Variants in CDH12 observed in about 807,000 individuals in gnomAD.
The protein encoded by CDH12 is cadherin-12.
CDH12 carries 41 observed loss-of-function variants against 74.1 expected under a neutral mutation model. That is an observed-to-expected ratio of 0.55 (90% confidence interval 0.43 to 0.72). The LOEUF is 0.72. CDH12 is among the 30% of genes least tolerant of loss of function. The pLI, the probability that CDH12 is intolerant of heterozygous loss-of-function variation, is 0.00. For synonymous variants in CDH12, 399 were observed against 355.0 expected, an observed-to-expected ratio of 1.12 and a Z score of -1.39; for missense variants, 945 against 977.2, an observed-to-expected ratio of 0.97 and a Z score of 0.44.
At chr5:22,677,752 G>T (rs2126923947) in intron 1 of CDH12, among the ~76,000 whole-genome samples, 1 of 152,164 alleles carries the variant, frequency 6.6e-6, no homozygotes, top group East Asian at 1.9e-4. Context: ...CTTGTAAACT[G>T]CCTGCACATT....
At chr5:22,838,009 A>G (rs1440954151) in intron 1 of CDH12, among the ~76,000 whole-genome samples, 1 of 152,178 alleles carries the variant, frequency 6.6e-6, no homozygotes, top group Admixed American at 6.5e-5. Flanking sequence ...ATTTCAGCAC[A>G]ATTTGAAGGC....
chr5:21,992,019 T>C (rs1383617413), intron 5 of CDH12, among the ~76,000 whole-genome samples: 1 of 152,018 alleles, frequency 6.6e-6, no homozygotes, highest in Non-Finnish European at 1.5e-5. Flanking sequence ...ATATTAACTA[T>C]CCTGTGTAAG....
At chr5:22,820,311 G>A (rs975863175) in intron 1 of CDH12, among the ~76,000 whole-genome samples, 3 of 151,914 alleles carry the variant, frequency 2.0e-5, no homozygotes, top group Non-Finnish European at 2.9e-5. Flanking sequence ...GTCCCCAACC[G>A]GATCTCATCG....
chr5:22,020,719 TGA>T (rs1737918314), intron 5 of CDH12, among the ~76,000 whole-genome samples: 1 of 151,770 alleles, frequency 6.6e-6, no homozygotes, highest in Non-Finnish European at 1.5e-5. Context: ...CTCCCTCTTC[TGA>T]GAGGCCATCA....
chr5:22,109,376 C>A (rs1360190684), intron 4 of CDH12, among the ~76,000 whole-genome samples: 1 of 152,216 alleles, frequency 6.6e-6, no homozygotes, highest in Admixed American at 6.5e-5. Context: ...GTTCAGGAGT[C>A]CTCTGCTGTA....
chr5:22,057,886 A>G (rs1740852235), intron 5 of CDH12, among the ~76,000 whole-genome samples: 1 of 152,158 alleles, frequency 6.6e-6, no homozygotes, highest in East Asian at 1.9e-4. Flanking sequence ...GTACGTGAGG[A>G]TTCACAATGA....
At chr5:22,809,186 A>G (rs1748987465) in intron 1 of CDH12, among the ~76,000 whole-genome samples, 1 of 151,974 alleles carries the variant, frequency 6.6e-6, no homozygotes. Context: ...GCAGACTTTT[A>G]AATATATTTA....
chr5:22,353,186 C>A (rs1277419311), intron 3 of CDH12, among the ~76,000 whole-genome samples: 1 of 152,076 alleles, frequency 6.6e-6, no homozygotes, highest in Non-Finnish European at 1.5e-5. Flanking sequence ...GATGCCCATT[C>A]TAGAAAAACA....
At chr5:22,671,198 T>C (rs1002969143) in intron 1 of CDH12, among the ~76,000 whole-genome samples, 2 of 152,086 alleles carry the variant, frequency 1.3e-5, no homozygotes, top group African/African-American at 2.4e-5. Context: ...ACCACCACCA[T>C]AATCAATGTA....
chr5:22,570,489 C>G (rs1033895309), intron 1 of CDH12, among the ~76,000 whole-genome samples: 2 of 151,644 alleles, frequency 1.3e-5, no homozygotes, highest in Non-Finnish European at 2.9e-5. Flanking sequence ...CTTGGGTGAC[C>G]AGATGCAATG....
At chr5:22,795,485 G>C (rs936643504) in intron 1 of CDH12, among the ~76,000 whole-genome samples, 6 of 151,354 alleles carry the variant, frequency 4.0e-5, no homozygotes, top group African/African-American at 1.5e-4. Context: ...TCAGAGATTA[G>C]ATTCCTAATA....
chr5:22,000,883 A>C (rs1736566323), intron 5 of CDH12, among the ~76,000 whole-genome samples: 1 of 152,170 alleles, frequency 6.6e-6, no homozygotes, highest in Non-Finnish European at 1.5e-5. Flanking sequence ...TAAAATCAAT[A>C]GACTTTTTAC....
chr5:22,785,042 C>T lies in CDH12; in HGVS notation c.-523+68016G>A, dbSNP rs144457849. Among the ~76,000 whole-genome samples the T allele has an allele frequency of 2.2e-3, 336 of 152,126 alleles. 1 individual carries two copies. The highest frequency in any genetic ancestry group is 7.6e-3 in the African/African-American group (317 of 41,502). ...GCTTTTAATATTTGATTTTTGTGTA[C>T]GGCCCCTAACAAATCGAAGGAAGGA... On this transcript the variant is annotated intron_variant, in intron 1 of 14. Transcript: ENST00000382254.
chr5:21,833,614 A>AATATATGT (rs1308208101), intron 8 of CDH12, among the ~76,000 whole-genome samples: 1 of 148,432 alleles, frequency 6.7e-6, no homozygotes, highest in African/African-American at 2.5e-5. Context: ...TATGATATAG[A>AATATATGT]ATATATGTAT....
intron 4 of CDH12, among the ~76,000 whole-genome samples, chr5:22,193,359 G>A (rs1033785707): frequency 6.6e-6 from 1 of 152,188 alleles, no homozygotes. Flanking sequence ...TCGATGTCGT[G>A]TTTTTTGAAG....
intron 1 of CDH12, among the ~76,000 whole-genome samples, chr5:22,626,804 T>C (rs1738321804): frequency 6.6e-6 from 1 of 152,148 alleles, no homozygotes; most frequent in African/African-American, 2.4e-5. Context: ...TGAAGATCAT[T>C]GAGATTCAGG....
chr5:22,736,351 T>C (rs1178045983), intron 1 of CDH12, among the ~76,000 whole-genome samples: 3 of 151,816 alleles, frequency 2.0e-5, no homozygotes, highest in Non-Finnish European at 4.4e-5. Flanking sequence ...TATGAGATAG[T>C]TCATTGGCTG....
rs79809296 is a variant in CDH12, at chr5:22,687,477, G to A, written c.-523+165581C>T. Among the ~76,000 whole-genome samples, 813 of 152,126 alleles carry A rather than the reference G, an allele frequency of 5.3e-3. 4 individuals carry two copies. Among genetic ancestry groups the A allele is most frequent in the African/African-American group, 0.019 (780 of 41,522 alleles). On this transcript the variant is annotated intron_variant, in intron 1 of 14. Transcript: ENST00000382254. ...GACTGCAATGCAGTGGCATGATCTC[G>A]TTTCACAGCAACCTTAGCTTCCTGG...
chr5:22,001,523 C>T (rs1335426866), intron 5 of CDH12, among the ~76,000 whole-genome samples: 1 of 151,934 alleles, frequency 6.6e-6, no homozygotes, highest in East Asian at 1.9e-4. Context: ...CTTTTAGGTT[C>T]AGGAGTACAT....
Sources: gnomAD v4.1 joint callset for allele counts (sites outside exome capture counted in the v4.1 genomes callset) on GRCh38, gnomAD v4.1.1 for gene constraint, MANE v1.5 for transcripts, NCBI Gene and HGNC (gene_info 2026-07-23, HGNC 2026-07-21) for gene names.